The following ERBB4 variants were observed in gnomAD, a reference collection of about 807,000 sequenced individuals.
The protein encoded by ERBB4 is erb-b2 receptor tyrosine kinase 4, also known as receptor tyrosine-protein kinase erbB-4.
A neutral mutation model predicts 158.0 loss-of-function variants in ERBB4; 42 were observed. The ratio of observed to expected loss-of-function variants is 0.27; its 90% CI spans 0.21 to 0.34. The LOEUF (loss-of-function observed/expected upper bound fraction) is 0.34. Ranked by LOEUF, ERBB4 falls within the 10% of genes least tolerant of loss-of-function variation. The pLI is 1.00. For synonymous variants in ERBB4, 583 were observed against 558.7 expected (o/e 1.04, Z -0.61); for missense variants, 1,333 against 1,624.1 (o/e 0.82, Z 3.08).
At chr2:211,705,294 A>T (rs1365069268) in intron 10 of ERBB4, 24 bp downstream of exon 10, 1 of 1,504,662 alleles carries the variant, frequency 6.6e-7, no homozygotes, top group Admixed American at 1.7e-5. Flanking sequence ...TTCATAGCGC[A>T]ACAGTTGCAG....
At chr2:212,370,971 C>T (rs1259945322) in intron 1 of ERBB4, among the ~76,000 whole-genome samples, 1 of 152,128 alleles carries the variant, frequency 6.6e-6, no homozygotes, top group Non-Finnish European at 1.5e-5. Flanking sequence ...TTTCCCTTAA[C>T]TCACTGTTGA....
intron 4 of ERBB4, among the ~76,000 whole-genome samples, chr2:211,786,798 G>A (rs1352122457): frequency 6.6e-6 from 1 of 152,140 alleles, no homozygotes; most frequent in Non-Finnish European, 1.5e-5. Context: ...AATATAATAT[G>A]TGCAATAGCA....
At chr2:211,724,181 C>G (rs573344514) in intron 6 of ERBB4, among the ~76,000 whole-genome samples, 1 of 152,116 alleles carries the variant, frequency 6.6e-6, no homozygotes, top group African/African-American at 2.4e-5. Context: ...TTTTTATTTC[C>G]TTTTCTTCTT....
At chr2:212,321,992 G>C (rs1188802841) in intron 1 of ERBB4, among the ~76,000 whole-genome samples, 1 of 150,156 alleles carries the variant, frequency 6.7e-6, no homozygotes, top group Non-Finnish European at 1.5e-5. Context: ...AGAATAATAC[G>C]ATTTTGTTGG....
chr2:211,502,342 G>T (rs2065638001), intron 20 of ERBB4, among the ~76,000 whole-genome samples: 1 of 152,106 alleles, frequency 6.6e-6, no homozygotes, highest in Admixed American at 6.5e-5. Flanking sequence ...TTAGGGTAAT[G>T]TAACAGAAAG....
At chr2:211,907,352 T>C (rs2079422717) in intron 3 of ERBB4, among the ~76,000 whole-genome samples, 2 of 151,578 alleles carry the variant, frequency 1.3e-5, no homozygotes, top group Non-Finnish European at 2.9e-5. Flanking sequence ...GAAATAAATT[T>C]TCCCCACCTT....
intron 19 of ERBB4, among the ~76,000 whole-genome samples, chr2:211,588,627 G>A (rs748045674): frequency 3.3e-5 from 5 of 152,018 alleles, no homozygotes; most frequent in Non-Finnish European, 7.4e-5. Context: ...CCATTTTACA[G>A]ATGATAAAAC....
intron 1 of ERBB4, among the ~76,000 whole-genome samples, chr2:212,181,545 A>G (rs2081864723): frequency 6.6e-6 from 1 of 151,764 alleles, no homozygotes; most frequent in African/African-American, 2.4e-5. Context: ...ACATATGTTT[A>G]TCACACAGAT....
intron 2 of ERBB4, among the ~76,000 whole-genome samples, chr2:212,003,003 G>A (rs1223138828): frequency 3.3e-5 from 5 of 150,620 alleles, no homozygotes; most frequent in Non-Finnish European, 5.9e-5. Context: ...AGAGTGGACT[G>A]AGATTGTGCC....
chr2:211,682,601 A>G (rs1460212980), intron 12 of ERBB4, among the ~76,000 whole-genome samples: 3 of 152,226 alleles, frequency 2.0e-5, no homozygotes, highest in African/African-American at 7.2e-5. Flanking sequence ...TGGATATTCA[A>G]TATTTCCAGT....
At chr2:212,288,122 G>C (rs1238157535) in intron 1 of ERBB4, among the ~76,000 whole-genome samples, 1 of 152,154 alleles carries the variant, frequency 6.6e-6, no homozygotes, top group Non-Finnish European at 1.5e-5. Context: ...TTTTAAGATA[G>C]TAAGAGTGTC....
chr2:211,984,159 T>G (rs538391041), intron 2 of ERBB4, among the ~76,000 whole-genome samples: 6 of 152,266 alleles, frequency 3.9e-5, no homozygotes, highest in African/African-American at 7.2e-5. Context: ...TGGTGCCTTC[T>G]TGCCATGTCC....
At chr2:212,383,013 C>T (rs2090560626) in intron 1 of ERBB4, among the ~76,000 whole-genome samples, 1 of 150,406 alleles carries the variant, frequency 6.6e-6, no homozygotes, top group East Asian at 1.9e-4. Context: ...CGATATGGTG[C>T]TTTTGACTTT....
chr2:211,585,168 C>T (rs2068231083), intron 19 of ERBB4, among the ~76,000 whole-genome samples: 1 of 151,900 alleles, frequency 6.6e-6, no homozygotes, highest in Non-Finnish European at 1.5e-5. Flanking sequence ...CTGGCTAACA[C>T]GGTGAAACCC....
chr2:212,414,677 A>G (rs573948580), intron 1 of ERBB4, among the ~76,000 whole-genome samples: 1 of 152,302 alleles, frequency 6.6e-6, no homozygotes, highest in South Asian at 2.1e-4. Flanking sequence ...AATATGCAGA[A>G]ATTATAAATG....
At position 211,999,768 on chromosome 2, in the gene ERBB4, T is replaced by C. The variant is rs560162721; in HGVS notation, c.235-52152A>G. Among the ~76,000 whole-genome samples, 53 of 151,936 alleles carry C rather than the reference T, an allele frequency of 3.5e-4. 1 individual carries two copies. The South Asian group carries it at 0.011, about 31-fold the overall frequency. On this transcript the variant is annotated intron_variant, in intron 2 of 27. Transcript: ENST00000342788. ...GTGTGTTGAAGATTGATTTCCTTTTTTTCAATTTGCTAATATTTTAGGTTT... is the reference window on the plus strand; with the variant it reads ...GTGTGTTGAAGATTGATTTCCTTTTCTTCAATTTGCTAATATTTTAGGTTT...
At chr2:211,888,003 A>G (rs1304869615) in intron 3 of ERBB4, among the ~76,000 whole-genome samples, 4 of 152,310 alleles carry the variant, frequency 2.6e-5, no homozygotes, top group Admixed American at 2.6e-4. Flanking sequence ...GACCATTATA[A>G]CCATCATATA....
chr2:211,804,855 C>T (rs1339490741), intron 3 of ERBB4, among the ~76,000 whole-genome samples: 1 of 151,928 alleles, frequency 6.6e-6, no homozygotes, highest in Non-Finnish European at 1.5e-5. Flanking sequence ...TCTAAATGAG[C>T]TCTTCATCCC....
intron 1 of ERBB4, among the ~76,000 whole-genome samples, chr2:212,166,450 T>G (rs991693352): frequency 6.6e-6 from 1 of 151,848 alleles, no homozygotes; most frequent in South Asian, 2.1e-4. Flanking sequence ...CACAAACAAA[T>G]GGAAAAACAT....
Sources: allele counts gnomAD v4.1 joint callset (sites outside exome capture counted in the v4.1 genomes callset), GRCh38; gene constraint gnomAD v4.1.1; transcripts MANE v1.5; gene names NCBI Gene and HGNC (gene_info 2026-07-23, HGNC 2026-07-21).